RALGAPA1: variants seen among roughly 807,000 people sequenced by gnomAD.
RALGAPA1 encodes the protein ral GTPase-activating protein subunit alpha-1.
RALGAPA1 carries 52 observed loss-of-function variants against 269.6 expected under a neutral mutation model. The ratio of observed to expected loss-of-function variants is 0.19; its 90% CI spans 0.15 to 0.24. The LOEUF is 0.24. RALGAPA1 is among the 10% of genes least tolerant of loss of function. The probability of loss-of-function intolerance (pLI) is 1.00; values close to 1 mark genes in which losing one functional copy is unlikely to be tolerated. For synonymous variants in RALGAPA1, 817 were observed against 1,008.3 expected, an observed-to-expected ratio of 0.81 and a Z score of 3.60; for missense variants, 1,917 against 3,013.9, an observed-to-expected ratio of 0.64 and a Z score of 8.52.
At chr14:35,765,417 T>C (rs2074064224) in intron 4 of RALGAPA1, among the ~76,000 whole-genome samples, 1 of 152,028 alleles carries the variant, frequency 6.6e-6, no homozygotes, top group African/African-American at 2.4e-5. Flanking sequence ...TGTACATACA[T>C]ATATATGATA....
rs2063146989 is a variant in RALGAPA1, at chr14:35,655,929, AAAC to A, written c.5388-17_5388-15del. ...AGTGCTACACATCTGCAAAAAAGGC[AAAC>A]AACAACGGTTACATAAAATGAAACC... On this transcript the variant is annotated splice_polypyrimidine_tract_variant and intron_variant, in intron 28 of 41. Coordinates refer to ENST00000680220, the MANE Select transcript of RALGAPA1 (RefSeq NM_001346249.2). The A allele has an allele frequency of 1.2e-6, 2 of 1,612,794 alleles. No homozygotes were observed. Among genetic ancestry groups the A allele is most frequent in the African/African-American group, 1.3e-5 (1 of 74,884 alleles).
At chr14:35,542,333 T>C (rs1331121547) in intron 41 of RALGAPA1, 1 of 178,136 alleles carries the variant, frequency 5.6e-6, no homozygotes, top group Non-Finnish European at 1.2e-5. Context: ...TATAGAACAT[T>C]TCCATCACCA....
At chr14:35,797,729 C>T (rs145053089) in intron 1 of RALGAPA1, among the ~76,000 whole-genome samples, 2 of 151,296 alleles carry the variant, frequency 1.3e-5, no homozygotes, top group African/African-American at 2.4e-5. Flanking sequence ...CCTGTAATCC[C>T]AGCTACTCAG....
At chr14:35,801,244 GACACACACACACACACACAC>G (rs201700521) in intron 1 of RALGAPA1, among the ~76,000 whole-genome samples, 1 of 135,016 alleles carries the variant, frequency 7.4e-6, no homozygotes, top group South Asian at 2.4e-4. Context: ...TATATACACA[GACACACACACACACACACAC>G]ACACACACAC....
chr14:35,647,237 T>C (rs1004330938), intron 31 of RALGAPA1, among the ~76,000 whole-genome samples: 1 of 152,232 alleles, frequency 6.6e-6, no homozygotes, highest in Non-Finnish European at 1.5e-5. Context: ...AAAATCACTA[T>C]ATAAATGTTC....
intron 17 of RALGAPA1, among the ~76,000 whole-genome samples, chr14:35,691,617 G>C (rs1167390291): frequency 6.6e-6 from 1 of 152,080 alleles, no homozygotes; most frequent in Non-Finnish European, 1.5e-5. Flanking sequence ...TTATAAAATG[G>C]AGATAGTCAT....
chr14:35,770,882 G>C (rs1482701416), intron 4 of RALGAPA1, 60 bp downstream of exon 4: 1 of 606,212 alleles, frequency 1.6e-6, no homozygotes, highest in African/African-American at 1.9e-5. Flanking sequence ...ACCCATTAAA[G>C]AACATTTTTC....
At chr14:35,723,537 T>C (rs1448067285) in intron 14 of RALGAPA1, 3 of 222,340 alleles carry the variant, frequency 1.3e-5, no homozygotes, top group African/African-American at 6.8e-5. Context: ...ATTATATTAA[T>C]GTTAAATAAA....
chr14:35,582,819 G>T (rs1206942538), intron 37 of RALGAPA1, among the ~76,000 whole-genome samples: 1 of 152,118 alleles, frequency 6.6e-6, no homozygotes, highest in Non-Finnish European at 1.5e-5. Context: ...TAATCTACCT[G>T]GGAGAAGAAA....
At chr14:35,708,655 G>T (rs758616611) in intron 16 of RALGAPA1, among the ~76,000 whole-genome samples, 2 of 152,278 alleles carry the variant, frequency 1.3e-5, no homozygotes, top group East Asian at 3.9e-4. Context: ...TGGTAAGAAT[G>T]TAAGTTAGTA....
chr14:35,689,590 AAAG>A lies in RALGAPA1; in HGVS notation c.2818_2820del (p.Leu940del), dbSNP rs2066305554. 3 of 1,242,760 alleles carry A rather than the reference AAAG, an allele frequency of 2.4e-6. No individual in the cohort carries two copies. The highest frequency in any genetic ancestry group is 3.0e-6 in the Non-Finnish European group (3 of 995,144). The allele number at this position is 1,242,760 out of a possible 1,614,324, so 77.0% of individuals were successfully genotyped here. Reference sequence around the variant, plus strand: ...TCCTTAAAATATTCTTTCAGGGTGGAAAGAAGATCATCATCTCCTTCAAGGTCA... The same window carrying A: ...TCCTTAAAATATTCTTTCAGGGTGGAAAGATCATCATCTCCTTCAAGGTCA... On this transcript the variant is annotated inframe_deletion, in exon 18 of 42. Transcript: ENST00000680220.
chr14:35,719,731 T>G (rs1013338176), intron 16 of RALGAPA1, among the ~76,000 whole-genome samples: 42 of 152,168 alleles, frequency 2.8e-4, no homozygotes, highest in Non-Finnish European at 1.5e-4. Context: ...AATTTAGACT[T>G]AAAAGAACAA....
intron 35 of RALGAPA1, among the ~76,000 whole-genome samples, chr14:35,612,805 G>T (rs574995741): frequency 6.6e-6 from 1 of 151,822 alleles, no homozygotes; most frequent in Non-Finnish European, 1.5e-5. Context: ...CCTAAAGTGC[G>T]GGGATTACAG....
At chr14:35,625,278 A>G in intron 35 of RALGAPA1, 83 bp downstream of exon 35, 1 of 938,030 alleles carries the variant, frequency 1.1e-6, no homozygotes, top group South Asian at 1.6e-5. Context: ...ATTATATACT[A>G]TTTAAAATAT....
intron 1 of RALGAPA1, among the ~76,000 whole-genome samples, chr14:35,786,545 G>A (rs2075809607): frequency 6.6e-6 from 1 of 152,028 alleles, no homozygotes; most frequent in Non-Finnish European, 1.5e-5. Context: ...GGCTGAGGCA[G>A]GAGAATGGCG....
In RALGAPA1 at chr14:35,600,322, C is replaced by T. The variant is rs189722823; in HGVS notation, c.7054-4533G>A. Reference sequence around the variant, plus strand: ...CTTTACTCACTGTAACCTCCACCTCCGGGACTCAAGCAATCCTCCCATCTC... The same window carrying T: ...CTTTACTCACTGTAACCTCCACCTCTGGGACTCAAGCAATCCTCCCATCTC... On this transcript the variant is annotated intron_variant, in intron 36 of 41. Transcript: ENST00000680220. 4.9e-4 allele frequency among the ~76,000 whole-genome samples: 73 copies of T among 149,916 alleles called. 1 individual carries two copies. Among genetic ancestry groups the T allele is most frequent in the African/African-American group, 1.6e-3 (66 of 40,344 alleles).
Position 35,548,536 on chromosome 14 carries a change from G to T in RALGAPA1, c.7624C>A (p.His2542Asn). The change falls in exon 41 of 42, where the codon CAT (histidine) becomes AAT (asparagine). Residue 2542 changes from histidine (H) to asparagine (N), a missense_variant and splice_region_variant. Physicochemically the swap from His to Asn is moderately conservative, Grantham distance 68. Coordinates refer to ENST00000680220, the MANE Select transcript of RALGAPA1 (RefSeq NM_001346249.2). ...CAGATAAACAGAACTGATATTTAAT[G>T]ATCTAAAGAGGGAAAATAAATGAAA... The part of the protein sequence containing the change: ...PYHHLPSDAD[H>N] The T allele has an allele frequency of 1.3e-6, 2 of 1,572,878 alleles. No homozygotes were observed. Among genetic ancestry groups the T allele is most frequent in the Non-Finnish European group, 1.7e-6 (2 of 1,152,100 alleles).
At chr14:35,732,066 T>C (rs1224476495) in intron 12 of RALGAPA1, among the ~76,000 whole-genome samples, 1 of 152,204 alleles carries the variant, frequency 6.6e-6, no homozygotes, top group Non-Finnish European at 1.5e-5. Context: ...CTAGAAGGGA[T>C]TGGAGCCTTA....
At chr14:35,611,725 ACT>A (rs1357337187) in intron 35 of RALGAPA1, among the ~76,000 whole-genome samples, 1 of 151,902 alleles carries the variant, frequency 6.6e-6, no homozygotes, top group Admixed American at 6.6e-5. Flanking sequence ...AAAGAGTGAG[ACT>A]CTATCTCCAC....
Sources: allele counts gnomAD v4.1 joint callset (sites outside exome capture counted in the v4.1 genomes callset), GRCh38; gene constraint gnomAD v4.1.1; transcripts MANE v1.5; gene names NCBI Gene and HGNC (gene_info 2026-07-23, HGNC 2026-07-21).